Variants in SLC5A4 observed in about 807,000 individuals in gnomAD.
The protein encoded by SLC5A4 is solute carrier family 5 member 4.
SLC5A4 carries 55 observed loss-of-function variants against 70.3 expected under a neutral mutation model. The ratio of observed to expected loss-of-function variants is 0.78; its 90% CI spans 0.63 to 0.98. SLC5A4 has a LOEUF of 0.98. Among genes scored for constraint, SLC5A4 ranks in the 50% least tolerant of loss-of-function variants. The pLI is 0.00. For missense variants in SLC5A4, 735 were observed against 839.2 expected, an observed-to-expected ratio of 0.88 and a Z score of 1.53; for synonymous variants, 268 against 305.7, an observed-to-expected ratio of 0.88 and a Z score of 1.29.
rs765173572 is a variant in SLC5A4 at position 32,237,226 on chromosome 22, C to T, written c.664+18G>A. 1.5e-5 allele frequency: 23 copies of T among 1,584,432 alleles called. No homozygotes were observed. The highest frequency in any genetic ancestry group is 2.3e-5 in the South Asian group (2 of 88,374). On this transcript the variant is annotated intron_variant, in intron 7 of 14. Transcript: ENST00000266086. ...TGATTTCCAGGCCCTGGGCACTGCA[C>T]GCAGGGTCATCACTTACCAAACCCC...
chr22:32,310,679 G>C, the SLC5A4 span, among the ~76,000 whole-genome samples: 1 of 152,250 alleles, frequency 6.6e-6, no homozygotes, highest in African/African-American at 2.4e-5. Context: ...GAGGCCAGGG[G>C]CCTGGGTCTT....
At chr22:32,251,685 T>G (rs1165374978) in intron 3 of SLC5A4, 85 bp downstream of exon 3, 1 of 861,938 alleles carries the variant, frequency 1.2e-6, no homozygotes, top group African/African-American at 1.7e-5. Flanking sequence ...ATCCAGCCTG[T>G]GATATTCTGT....
the SLC5A4 span, among the ~76,000 whole-genome samples, chr22:32,268,043 A>G: frequency 8.6e-4 from 131 of 152,204 alleles, no homozygotes; most frequent in Admixed American, 1.2e-3. Context: ...AGAATGGCGT[A>G]AACCCAGGAG....
the SLC5A4 span, among the ~76,000 whole-genome samples, chr22:32,308,333 T>C: frequency 1.1e-4 from 17 of 152,118 alleles, no homozygotes; most frequent in South Asian, 2.1e-4. Flanking sequence ...CAGTCTCTGA[T>C]AGACACGGTG....
intron 4 of SLC5A4, 104 bp downstream of exon 4, chr22:32,248,639 A>G (rs1926970136): frequency 1.2e-6 from 1 of 839,302 alleles, no homozygotes; most frequent in South Asian, 1.4e-5. Flanking sequence ...ACCTAAATAA[A>G]GCCTTTTTTC....
chr22:32,255,408 G>A, upstream of SLC5A4: 3 of 1,502,386 alleles, frequency 2.0e-6, no homozygotes, highest in Non-Finnish European at 2.8e-6. Context: ...GCCTCAGGCA[G>A]GTGGGGCGAG....
At chr22:32,301,738 C>T in the SLC5A4 span, among the ~76,000 whole-genome samples, 1 of 151,996 alleles carries the variant, frequency 6.6e-6, no homozygotes, top group Non-Finnish European at 1.5e-5. Flanking sequence ...AGTTTGAAGA[C>T]TCAGACTTCC....
At chr22:32,220,469 TA>T (rs1422182425) in intron 14 of SLC5A4, among the ~76,000 whole-genome samples, 1 of 152,192 alleles carries the variant, frequency 6.6e-6, no homozygotes, top group Admixed American at 6.5e-5. Flanking sequence ...TTTTAAAGAA[TA>T]AGCATTTTTT....
chr22:32,279,855 A>G, the SLC5A4 span, among the ~76,000 whole-genome samples: 1 of 151,644 alleles, frequency 6.6e-6, no homozygotes, highest in East Asian at 1.9e-4. Flanking sequence ...AGCACCACTC[A>G]GAGCAGACAG....
chr22:32,269,688 C>A, the SLC5A4 span: 1 of 600,454 alleles, frequency 1.7e-6, no homozygotes. This position sits in a 1 kb window ranked among gnomAD's most constrained non-coding sequence, Gnocchi z 4.1. Context: ...CCAGAGCATT[C>A]CCCCGTACGG....
chr22:32,273,497 C>T, the SLC5A4 span: 1 of 158,456 alleles, frequency 6.3e-6, no homozygotes, highest in African/African-American at 2.4e-5. Context: ...ACAGTTTCTG[C>T]TTTGTTTGGG....
At chr22:32,261,515 C>T in the SLC5A4 span, among the ~76,000 whole-genome samples, 3 of 152,212 alleles carry the variant, frequency 2.0e-5, no homozygotes, top group African/African-American at 7.2e-5. Context: ...GTGCCCCCTT[C>T]AATGGCACTG....
chr22:32,218,717 C>G lies in SLC5A4; in HGVS notation c.1777G>C (p.Glu593Gln). ...TTCTTGAGGCATCCACGTGATTTCT[C>G]AGGATAATCTGGAACAAAGATAAGC... ...TDDGVEEDYP[E>Q]KSRGCLKKAY... is the part of the protein sequence containing the mutation. Residue 593 changes from glutamate to glutamine, a missense_variant, in exon 15 of 15, where the codon GAG (glutamate) becomes CAG (glutamine). Transcript: ENST00000266086. 1 of 1,613,482 alleles carries G rather than the reference C, an allele frequency of 6.2e-7. No homozygotes were observed. Among genetic ancestry groups the G allele is most frequent in the Non-Finnish European group, 8.5e-7 (1 of 1,179,560 alleles).
chr22:32,264,189 A>T, the SLC5A4 span, among the ~76,000 whole-genome samples: 1 of 124,018 alleles, frequency 8.1e-6, no homozygotes, highest in African/African-American at 3.2e-5. Context: ...AAGTATAATA[A>T]AAAAAAAATT....
the SLC5A4 span, among the ~76,000 whole-genome samples, chr22:32,346,536 C>T: frequency 6.7e-6 from 1 of 150,048 alleles, no homozygotes; most frequent in Non-Finnish European, 1.5e-5. Context: ...ACAGAGCCCT[C>T]AGAAATAACG....
the SLC5A4 span, among the ~76,000 whole-genome samples, chr22:32,337,544 AAAG>A: frequency 0.13 from 19,698 of 152,106 alleles, 1,718 homozygotes; most frequent in Non-Finnish European, 0.19. Context: ...AAAAGAAAAA[AAAG>A]AAAAGAAAAA....
chr22:32,275,449 T>G, the SLC5A4 span, among the ~76,000 whole-genome samples: 1 of 152,194 alleles, frequency 6.6e-6, no homozygotes, highest in Non-Finnish European at 1.5e-5. Context: ...TTCCCACCTA[T>G]GAGTGAGAAC....
the SLC5A4 span, among the ~76,000 whole-genome samples, chr22:32,316,633 C>G: frequency 0.49 from 73,704 of 151,692 alleles, 18,380 homozygotes; most frequent in East Asian, 0.72. Flanking sequence ...GGGTTCAAGC[C>G]ATTCTCCTGC....
chr22:32,235,864 GC>G (rs1240677985), intron 7 of SLC5A4, among the ~76,000 whole-genome samples: 2 of 152,170 alleles, frequency 1.3e-5, no homozygotes, highest in East Asian at 3.8e-4. Context: ...ACTACTATGC[GC>G]CAAACACTGC....
Sources: allele counts gnomAD v4.1 joint callset (sites outside exome capture counted in the v4.1 genomes callset), GRCh38; gene constraint gnomAD v4.1.1; non-coding constraint Gnocchi (gnomAD v3.1); transcripts MANE v1.5; gene names NCBI Gene and HGNC (gene_info 2026-07-23, HGNC 2026-07-21).